The following CWC27 variants were observed in gnomAD, a reference collection of about 807,000 sequenced individuals.
CWC27 encodes the protein spliceosome-associated protein CWC27 homolog.
CWC27 carries 47 observed loss-of-function variants against 63.6 expected under a neutral mutation model. The observed-to-expected ratio is 0.74, with a 90% confidence interval of 0.58 to 0.94. The LOEUF is 0.94. CWC27 is among the 40% of genes least tolerant of loss of function. The probability of loss-of-function intolerance (pLI) is 0.00; values close to 1 mark genes in which losing one functional copy is unlikely to be tolerated. For missense variants in CWC27, 495 were observed against 554.3 expected (o/e 0.89, Z 1.07); for synonymous variants, 175 against 179.8 (o/e 0.97, Z 0.22).
chr5:64,806,736 G>A (rs1413723097), intron 10 of CWC27, among the ~76,000 whole-genome samples: 1 of 152,086 alleles, frequency 6.6e-6, no homozygotes, highest in African/African-American at 2.4e-5. Flanking sequence ...CAGCTGCTCA[G>A]CAGGCTGAGG....
intron 10 of CWC27, among the ~76,000 whole-genome samples, chr5:64,832,488 T>C (rs1325478759): frequency 6.6e-6 from 1 of 151,746 alleles, no homozygotes. Flanking sequence ...CTTTCAAATA[T>C]CGAGTATACC....
chr5:64,905,940 G>T (rs1444448673), intron 11 of CWC27, among the ~76,000 whole-genome samples: 1 of 152,062 alleles, frequency 6.6e-6, no homozygotes, highest in Non-Finnish European at 1.5e-5. Context: ...TTGGTTTTCT[G>T]TCCTTGTGAT....
chr5:64,804,848 A>G (rs1393031281), intron 10 of CWC27: 2 of 152,470 alleles, frequency 1.3e-5, no homozygotes, highest in Admixed American at 6.5e-5. Flanking sequence ...ACCAAATACC[A>G]TATACCTATC....
intron 11 of CWC27, among the ~76,000 whole-genome samples, chr5:64,967,601 G>T (rs1749042689): frequency 6.6e-6 from 1 of 151,922 alleles, no homozygotes; most frequent in Admixed American, 6.6e-5. Flanking sequence ...ACAGAAGAGA[G>T]TGTATAGAAA....
intron 10 of CWC27, among the ~76,000 whole-genome samples, chr5:64,874,315 C>T (rs1343850587): frequency 6.6e-6 from 1 of 151,442 alleles, no homozygotes; most frequent in African/African-American, 2.4e-5. Flanking sequence ...GCATGTGCCA[C>T]CATGCCTGGC....
In CWC27 at chr5:64,981,453, A is replaced by G. The variant is rs1018346451; in HGVS notation, c.1256+4215A>G. Reference sequence around the variant, plus strand: ...TGTATTATGACCATCATATTCCACTATATGATGAACCACAAATTTATTTGA... The same window carrying G: ...TGTATTATGACCATCATATTCCACTGTATGATGAACCACAAATTTATTTGA... On this transcript the variant is annotated intron_variant, in intron 13 of 13. Transcript: ENST00000381070. 3.9e-5 allele frequency among the ~76,000 whole-genome samples: 6 copies of G among 152,300 alleles called. 1 individual carries two copies. The highest frequency in any genetic ancestry group is 3.9e-4 in the Admixed American group (6 of 15,302).
At chr5:64,796,049 A>C (rs771564045) in intron 7 of CWC27, among the ~76,000 whole-genome samples, 8 of 149,296 alleles carry the variant, frequency 5.4e-5, no homozygotes, top group Admixed American at 2.7e-4. Context: ...GTGTATTAAT[A>C]AGCTCATTTG....
At chr5:64,847,218 C>A (rs1258183313) in intron 10 of CWC27, among the ~76,000 whole-genome samples, 1 of 151,766 alleles carries the variant, frequency 6.6e-6, no homozygotes, top group African/African-American at 2.4e-5. Context: ...AAATTCAAAC[C>A]AAAAGAGAGT....
chr5:64,977,323 CT>C, intron 13 of CWC27, 85 bp downstream of exon 13: 1 of 892,898 alleles, frequency 1.1e-6, no homozygotes, highest in Middle Eastern at 2.2e-4. Context: ...CTATATCATC[CT>C]TTTGTTTTCA....
intron 10 of CWC27, chr5:64,807,828 A>T: frequency 6.5e-7 from 1 of 1,531,958 alleles, no homozygotes; most frequent in Non-Finnish European, 8.7e-7. Flanking sequence ...TTCAACCCGT[A>T]TTTCTTTCTC....
At chr5:64,897,007 T>G (rs562095855) in intron 11 of CWC27, among the ~76,000 whole-genome samples, 1 of 151,612 alleles carries the variant, frequency 6.6e-6, no homozygotes, top group Non-Finnish European at 1.5e-5. Context: ...AGCTCAGGAG[T>G]TCAATACCAG....
chr5:65,001,154 T>C (rs1044468513), intron 13 of CWC27, among the ~76,000 whole-genome samples: 1 of 152,104 alleles, frequency 6.6e-6, no homozygotes, highest in Non-Finnish European at 1.5e-5. Context: ...ACACTACTGA[T>C]TTTTGTATGT....
intron 11 of CWC27, among the ~76,000 whole-genome samples, chr5:64,887,120 G>A (rs1747088776): frequency 6.6e-6 from 1 of 151,742 alleles, no homozygotes; most frequent in Admixed American, 6.6e-5. Context: ...ACACTATGCT[G>A]GATTAGGAGT....
chr5:64,848,422 A>G (rs1255823394), intron 10 of CWC27, among the ~76,000 whole-genome samples: 1 of 151,874 alleles, frequency 6.6e-6, no homozygotes, highest in Non-Finnish European at 1.5e-5. Context: ...TAAAGAACTG[A>G]TATCAATCCT....
At chr5:64,898,152 A>G (rs1747422925) in intron 11 of CWC27, among the ~76,000 whole-genome samples, 1 of 152,228 alleles carries the variant, frequency 6.6e-6, no homozygotes, top group African/African-American at 2.4e-5. Flanking sequence ...AAATTTTCAG[A>G]GGATTGTTTT....
intron 13 of CWC27, 76 bp downstream of exon 13, chr5:64,977,314 T>C (rs1749245002): frequency 2.1e-6 from 2 of 948,352 alleles, no homozygotes; most frequent in African/African-American, 1.7e-5. Context: ...GCATTTCCAC[T>C]ATATCATCCT....
chr5:64,806,427 A>G (rs1481654496), intron 10 of CWC27, among the ~76,000 whole-genome samples: 1 of 152,186 alleles, frequency 6.6e-6, no homozygotes, highest in East Asian at 1.9e-4. Flanking sequence ...ATAATTGGCA[A>G]AGTGTGCCTT....
chr5:64,804,853 C>T (rs1447458676), intron 10 of CWC27: 1 of 152,248 alleles, frequency 6.6e-6, no homozygotes. Flanking sequence ...ATACCATATA[C>T]CTATCCTAAG....
Position 64,768,975 on chromosome 5 carries a change from C to T in CWC27, c.-172C>T. 1.7e-6 allele frequency: 1 copy of T among 604,590 alleles called. No individual in the cohort carries two copies. Among genetic ancestry groups the T allele is most frequent in the Non-Finnish European group, 2.9e-6 (1 of 339,024 alleles). The allele number at this position is 604,590 out of a possible 1,614,324, so 37.5% of individuals were successfully genotyped here. On this transcript the variant is annotated 5_prime_UTR_variant, in exon 1 of 14. Coordinates refer to ENST00000381070, the MANE Select transcript of CWC27 (RefSeq NM_005869.4). ...ACAACATGGCGGCGTCCGTGAGGGG[C>T]TCCTTTGGGCAGGGGTAGTGTTTGG...
Sources: allele counts gnomAD v4.1 joint callset (sites outside exome capture counted in the v4.1 genomes callset), GRCh38; gene constraint gnomAD v4.1.1; transcripts MANE v1.5; gene names NCBI Gene and HGNC (gene_info 2026-07-23, HGNC 2026-07-21).